BRME1: variants seen among roughly 807,000 people sequenced by gnomAD.
The protein encoded by BRME1 is BRCA2 and MEILB2-associating protein 1.
In BRME1, 31 loss-of-function variants were observed where a neutral mutation model predicts 52.6. The observed-to-expected ratio is 0.59, with a 90% CI of 0.44 to 0.80. The LOEUF (loss-of-function observed/expected upper bound fraction) is 0.80, where lower values mean the gene tolerates loss of function less well. Among genes scored for constraint, BRME1 ranks in the 30% least tolerant of loss-of-function variants. The pLI, the probability that BRME1 is intolerant of heterozygous loss-of-function variation, is 0.00. For synonymous variants in BRME1, 359 were observed against 353.6 expected, an observed-to-expected ratio of 1.02 and a Z score of -0.17; for missense variants, 804 against 860.3, an observed-to-expected ratio of 0.93 and a Z score of 0.82.
At chr19:13,901,639 C>T (rs1970302620) in intron 2 of BRME1, among the ~76,000 whole-genome samples, 1 of 148,948 alleles carries the variant, frequency 6.7e-6, no homozygotes, top group South Asian at 2.1e-4. Flanking sequence ...GCAGAGGTTA[C>T]AGTGAACCAA....
At position 13,890,328 on chromosome 19, in the gene BRME1, G is replaced by C; in HGVS notation, c.528C>G (p.Ser176Arg). Reference protein sequence around the residue: ...QADSARPEQSSQSPVQAVPGS... With the variant: ...QADSARPEQSRQSPVQAVPGS... ...CGGGCACCGCCTGCACAGGGCTCTG[G>C]CTGCTCTGCTCAGGGCGGGCACTGT... Residue 176 changes from serine to arginine, a missense_variant, in exon 6 of 9, where the codon AGC (serine) becomes AGG (arginine). Transcript: ENST00000586783. 6.2e-7 allele frequency: 1 copy of C among 1,601,622 alleles called. No individual in the cohort carries two copies. Among genetic ancestry groups the C allele is most frequent in the Non-Finnish European group, 8.5e-7 (1 of 1,174,162 alleles).
chr19:13,883,909 C>T lies in BRME1; in HGVS notation c.1764-509G>A, dbSNP rs573731360. ...CCCTGATTCCTCCTTACATTTTAAC[C>T]CCTTCTCCGCTGCCTTTTTTTCCCC... is the stretch of plus-strand genomic sequence containing the variant. On this transcript the variant is annotated intron_variant, in intron 7 of 8. Transcript: ENST00000586783. This position sits in a 1 kb window ranked among gnomAD's most constrained non-coding sequence, Gnocchi z 4.2. 6.6e-6 allele frequency among the ~76,000 whole-genome samples: 1 copy of T among 152,174 alleles called. No homozygotes were observed. The highest frequency in any genetic ancestry group is 2.1e-4 in the South Asian group (1 of 4,824).
rs577821812 is a variant in BRME1 at position 13,889,693 on chromosome 19, G to A, written c.1163C>T (p.Thr388Ile). The A allele has an allele frequency of 6.8e-4, 1,088 of 1,609,616 alleles. 15 individuals carry two copies. In the South Asian group the frequency reaches 0.011, roughly 17 times the overall value. Residue 388 changes from threonine to isoleucine, a missense_variant, in exon 6 of 9, where the codon ACC becomes ATC. Transcript: ENST00000586783. ...TCCTGTGGTTTCCCCAGTGAGCGAGGTGCAGCCTGGCAAGGCCCTCCTGTG... is the reference window on the plus strand; with the variant it reads ...TCCTGTGGTTTCCCCAGTGAGCGAGATGCAGCCTGGCAAGGCCCTCCTGTG... ...GGHRRALPGCTSLTGETTGES... is the reference protein window; with the variant it reads ...GGHRRALPGCISLTGETTGES...
At chr19:13,898,885 T>C (rs1016185250) in intron 2 of BRME1, among the ~76,000 whole-genome samples, 4 of 139,160 alleles carry the variant, frequency 2.9e-5, no homozygotes, top group African/African-American at 8.4e-5. Context: ...ATCGCGTCAT[T>C]GCACTCCAGC....
chr19:13,896,145 C>T (rs1969872929), intron 2 of BRME1, among the ~76,000 whole-genome samples: 1 of 152,002 alleles, frequency 6.6e-6, no homozygotes, highest in Non-Finnish European at 1.5e-5. Context: ...TGGCACCCAC[C>T]TATAGTCCCA....
chr19:13,885,885 G>A (rs545599070), intron 7 of BRME1, 76 bp downstream of exon 7: 335 of 1,310,984 alleles, frequency 2.6e-4, no homozygotes, highest in Non-Finnish European at 2.8e-4. Flanking sequence ...ACTGGGGTCT[G>A]TCTCCTCCAT....
Position 13,889,210 on chromosome 19 carries a change from T to C in BRME1, c.1646A>G (p.Asp549Gly), listed in dbSNP as rs754115879. Reference protein sequence around the residue: ...SQIQDALDASDFEAPPEQLFP... With the variant: ...SQIQDALDASGFEAPPEQLFP... ...CACCTGCTCAGGTGGGGCTTCGAAG[T>C]CAGAGGCGTCCAGGGCATCCTGTAT... Residue 549 changes from aspartate to glycine, a missense_variant, in exon 6 of 9, where the codon GAC becomes GGC. This residue lies in a region of BRME1 where 552 missense variants were observed against 561.1 expected (regional missense o/e 0.98). Transcript: ENST00000586783. 7.9e-5 allele frequency: 126 copies of C among 1,597,170 alleles called. No homozygotes were observed. The highest frequency in any genetic ancestry group is 6.9e-4 in the Admixed American group (40 of 58,338).
chr19:13,891,169 G>A (rs926509510), intron 5 of BRME1, among the ~76,000 whole-genome samples: 1 of 98,390 alleles, frequency 1.0e-5, no homozygotes, highest in Non-Finnish European at 2.0e-5. Context: ...ATTATTATTA[G>A]ACAGAGTTTC....
In BRME1 at chr19:13,883,649, T is replaced by G; in HGVS notation, c.1764-249A>C. ...CTGCTGCCACCGCCTCCCTATCTCC[T>G]GCCCCTGTGGCTTGTCCCCCACAGG... On this transcript the variant is annotated intron_variant, in intron 7 of 8. Transcript: ENST00000586783. This position sits in a 1 kb window ranked among gnomAD's most constrained non-coding sequence, Gnocchi z 4.2. 2.2e-6 allele frequency: 1 copy of G among 456,538 alleles called. No homozygotes were observed. The highest frequency in any genetic ancestry group is 2.0e-5 in the African/African-American group (1 of 50,684). 28.3% of individuals were successfully genotyped at this position (456,538 alleles called of 1,614,324 possible). A position where few individuals can be genotyped will look rare whatever the true frequency, so the allele number is the denominator to read the frequency against.
At position 13,882,473 on chromosome 19, in the gene BRME1, T is replaced by C; in HGVS notation, c.*329A>G. ...AAAGAAACAAATTCTGAACCATCCA[T>C]ACTTGGCTCAGGACCCTAAAATTTG... On this transcript the variant is annotated 3_prime_UTR_variant, in exon 9 of 9. Coordinates refer to ENST00000586783, the MANE Select transcript of BRME1 (RefSeq NM_001345843.2). 1 of 447,868 alleles carries C rather than the reference T, an allele frequency of 2.2e-6. No homozygotes were observed. The highest frequency in any genetic ancestry group is 3.9e-6 in the Non-Finnish European group (1 of 255,440). The allele number at this position is 447,868 out of a possible 1,614,324, so 27.7% of individuals were successfully genotyped here.
chr19:13,903,087 ACTTTT>A (rs776757143), intron 2 of BRME1, among the ~76,000 whole-genome samples: 4 of 152,130 alleles, frequency 2.6e-5, no homozygotes, highest in Non-Finnish European at 4.4e-5. Context: ...TATTTTTGCA[ACTTTT>A]CTTTAAGTCC....
rs1486832068 is a variant in BRME1, at chr19:13,883,560, T to C, written c.1764-160A>G. 3 of 597,974 alleles carry C rather than the reference T, an allele frequency of 5.0e-6. No individual in the cohort carries two copies. The highest frequency in any genetic ancestry group is 8.9e-6 in the Non-Finnish European group (3 of 335,888). The allele number at this position is 597,974 out of a possible 1,614,324, so 37.0% of individuals were successfully genotyped here. A position where few individuals can be genotyped will look rare whatever the true frequency, so the allele number is the denominator to read the frequency against. On this transcript the variant is annotated intron_variant, in intron 7 of 8. Transcript: ENST00000586783. The surrounding 1 kb of genome is among the most constrained non-coding windows in gnomAD (Gnocchi z 4.2). ...AACCCTGATGGCCAACCCAGCTGGCTCCACTGCCCAGCAGGCCCAGAACCC... is the reference window on the plus strand; with the variant it reads ...AACCCTGATGGCCAACCCAGCTGGCCCCACTGCCCAGCAGGCCCAGAACCC...
rs767887746 is a variant in BRME1, at chr19:13,893,202, T to A, written c.228A>T (p.Gly76=). ...AVSSSPDEET[G]SPCRLLRQPE... is the part of the protein sequence containing the mutation. The stretch of plus-strand genomic sequence containing the variant: ...GTTGACGGAGGAGCCGGCAGGGAGA[T>A]CCTGTTTCCTCATCAGGGGAGCTAT... Residue 76 remains glycine, a synonymous_variant, in exon 4 of 9, where the codon GGA becomes GGT. Coordinates refer to ENST00000586783, the MANE Select transcript of BRME1 (RefSeq NM_001345843.2). 3.5e-5 allele frequency: 55 copies of A among 1,585,278 alleles called. No homozygotes were observed. In the East Asian group the frequency reaches 1.2e-3, roughly 35 times the overall value.
chr19:13,899,997 G>A (rs530268925), intron 2 of BRME1, among the ~76,000 whole-genome samples: 25 of 152,144 alleles, frequency 1.6e-4, no homozygotes, highest in Non-Finnish European at 2.6e-4. Context: ...GCAAGACTCT[G>A]TCTCAAAAGA....
chr19:13,891,490 C>A (rs1197093928), intron 5 of BRME1, among the ~76,000 whole-genome samples: 5 of 149,686 alleles, frequency 3.3e-5, no homozygotes, highest in Admixed American at 6.7e-5. Context: ...AATTTTGAGA[C>A]AGGGTCTCAC....
intron 4 of BRME1, 98 bp downstream of exon 4, chr19:13,893,044 T>G: frequency 7.3e-7 from 1 of 1,370,102 alleles, no homozygotes; most frequent in Non-Finnish European, 1.0e-6. Flanking sequence ...CTGTAGACCA[T>G]GAGTGAGCAA....
intron 2 of BRME1, 75 bp downstream of exon 2, chr19:13,904,787 T>C (rs1308475586): frequency 8.2e-6 from 12 of 1,464,486 alleles, no homozygotes; most frequent in African/African-American, 1.4e-5. Flanking sequence ...GTTAGCCAGA[T>C]CTGCAATAAA....
chr19:13,890,178 C>T lies in BRME1; in HGVS notation c.678G>A (p.Arg226=), dbSNP rs939620339. 2 of 1,614,218 alleles carry T rather than the reference C, an allele frequency of 1.2e-6. No homozygotes were observed. The highest frequency in any genetic ancestry group is 2.2e-5 in the East Asian group (1 of 44,886). The change falls in exon 6 of 9, where the codon AGG becomes AGA. Residue 226 remains arginine, a synonymous_variant. Coordinates refer to ENST00000586783, the MANE Select transcript of BRME1 (RefSeq NM_001345843.2). ...CCTTTTGGCCACCGTCACCTGGAAC[C>T]CTGTCTGTCTCAGGCTTGCTGTCAT... The part of the protein sequence containing the change: ...GADDSKPETD[R]VPGDGGQKEH...
At chr19:13,895,130 C>T (rs140526885) in intron 3 of BRME1, among the ~76,000 whole-genome samples, 25 of 152,196 alleles carry the variant, frequency 1.6e-4, no homozygotes, top group African/African-American at 4.3e-4. Flanking sequence ...CTTCCCCCCT[C>T]GGCCTCCCAA....
Sources: allele counts gnomAD v4.1 joint callset (sites outside exome capture counted in the v4.1 genomes callset), GRCh38; gene constraint gnomAD v4.1.1; regional missense constraint gnomAD v4.1.1; non-coding constraint Gnocchi (gnomAD v3.1); transcripts MANE v1.5; gene names NCBI Gene and HGNC (gene_info 2026-07-23, HGNC 2026-07-21).